The following RSU1 variants were observed in gnomAD, a reference collection of about 807,000 sequenced individuals.
The protein encoded by RSU1 is Ras suppressor protein 1.
Under a neutral mutation model 31.1 loss-of-function variants are expected in RSU1, and 26 were observed. The ratio of observed to expected loss-of-function variants is 0.84; its 90% confidence interval spans 0.61 to 1.16. The LOEUF (loss-of-function observed/expected upper bound fraction) is 1.16. RSU1 is among the 50% of genes most tolerant of loss of function. RSU1 has a pLI of 0.00. For synonymous variants in RSU1, 164 were observed against 136.3 expected, an observed-to-expected ratio of 1.20 and a Z score of -1.41; for missense variants, 320 against 339.1, an observed-to-expected ratio of 0.94 and a Z score of 0.44.
chr10:16,701,002 G>T (rs1312407858), intron 7 of RSU1, among the ~76,000 whole-genome samples: 1 of 152,106 alleles, frequency 6.6e-6, no homozygotes, highest in Non-Finnish European at 1.5e-5. Context: ...AGAAGAAAAG[G>T]ATAATATTAA....
intron 8 of RSU1, among the ~76,000 whole-genome samples, chr10:16,632,384 C>T (rs1455669466): frequency 1.3e-5 from 2 of 152,114 alleles, no homozygotes; most frequent in African/African-American, 4.8e-5. Context: ...GTCTTCTCCT[C>T]TAATTGAAGG....
At chr10:16,730,521 C>G (rs960435115) in intron 7 of RSU1, among the ~76,000 whole-genome samples, 5 of 152,092 alleles carry the variant, frequency 3.3e-5, no homozygotes, top group Non-Finnish European at 5.9e-5. Flanking sequence ...TTAGCCAACC[C>G]CCCAGCTGAC....
chr10:16,792,777 C>T lies in RSU1; in HGVS notation c.110-10693G>A, dbSNP rs145187220. ...ATTAACTGGATCTTAACATACAGCA[C>T]GGTGTAAATGGCTTTTCCATTTTGG... On this transcript the variant is annotated intron_variant, in intron 2 of 8. Transcript: ENST00000345264. 4.6e-5 allele frequency among the ~76,000 whole-genome samples: 7 copies of T among 152,272 alleles called. No individual in the cohort carries two copies. In the South Asian group the frequency reaches 8.3e-4, roughly 18 times the overall value.
At chr10:16,645,243 A>G (rs369471134) in intron 8 of RSU1, among the ~76,000 whole-genome samples, 4 of 152,298 alleles carry the variant, frequency 2.6e-5, no homozygotes, top group South Asian at 2.1e-4. Flanking sequence ...CTTTTAAACC[A>G]TATCTTGGAG....
At chr10:16,663,286 G>A (rs1474747413) in intron 8 of RSU1, among the ~76,000 whole-genome samples, 1 of 152,158 alleles carries the variant, frequency 6.6e-6, no homozygotes, top group African/African-American at 2.4e-5. Context: ...CATGTGTGAT[G>A]CTCTGTCTGG....
intron 7 of RSU1, among the ~76,000 whole-genome samples, chr10:16,736,333 T>C (rs532525839): frequency 2.6e-5 from 4 of 152,258 alleles, no homozygotes; most frequent in African/African-American, 9.6e-5. Flanking sequence ...CACTGGAGTT[T>C]TCACAGAACT....
chr10:16,723,476 G>C (rs1481440867), intron 7 of RSU1, among the ~76,000 whole-genome samples: 1 of 152,168 alleles, frequency 6.6e-6, no homozygotes, highest in Non-Finnish European at 1.5e-5. Context: ...TCAAGCATTT[G>C]AGCAAGAGCT....
At chr10:16,802,373 A>G (rs1186411009) in intron 2 of RSU1, among the ~76,000 whole-genome samples, 1 of 152,116 alleles carries the variant, frequency 6.6e-6, no homozygotes, top group Non-Finnish European at 1.5e-5. Flanking sequence ...AAATTCACAC[A>G]GGAAGAAACA....
chr10:16,659,343 T>C (rs1383758092), intron 8 of RSU1, among the ~76,000 whole-genome samples: 1 of 151,228 alleles, frequency 6.6e-6, no homozygotes, highest in Non-Finnish European at 1.5e-5. Context: ...AAAGTTCTAC[T>C]GTTTTCCTTT....
intron 7 of RSU1, among the ~76,000 whole-genome samples, chr10:16,722,475 A>C (rs1054296711): frequency 7.2e-5 from 11 of 152,162 alleles, no homozygotes. Context: ...GGAGGAGCCC[A>C]ACCTCAGGTC....
intron 8 of RSU1, among the ~76,000 whole-genome samples, chr10:16,654,893 T>C (rs904645366): frequency 1.3e-5 from 2 of 151,470 alleles, no homozygotes; most frequent in Admixed American, 1.3e-4. Flanking sequence ...ACCTCATTTC[T>C]ACAAAAATTT....
At chr10:16,751,887 T>C (rs1401641506) in intron 7 of RSU1, among the ~76,000 whole-genome samples, 5 of 152,116 alleles carry the variant, frequency 3.3e-5, no homozygotes, top group Non-Finnish European at 7.4e-5. Flanking sequence ...AGTAACAGAA[T>C]TACTGGCTTG....
intron 7 of RSU1, among the ~76,000 whole-genome samples, chr10:16,742,081 C>T (rs1836766599): frequency 6.6e-6 from 1 of 152,116 alleles, no homozygotes; most frequent in Admixed American, 6.5e-5. Context: ...ATTTTTAAAA[C>T]AGCAAATATA....
intron 7 of RSU1, among the ~76,000 whole-genome samples, chr10:16,750,095 G>A (rs1216913772): frequency 6.6e-6 from 1 of 152,018 alleles, no homozygotes; most frequent in African/African-American, 2.4e-5. Flanking sequence ...GATATTGCAG[G>A]AAAAACATTT....
intron 8 of RSU1, among the ~76,000 whole-genome samples, chr10:16,642,315 G>A (rs1191703106): frequency 1.3e-5 from 2 of 152,168 alleles, no homozygotes; most frequent in South Asian, 4.1e-4. Context: ...AGAAGCTGTA[G>A]AAAAACAACG....
intron 2 of RSU1, among the ~76,000 whole-genome samples, chr10:16,799,601 C>T (rs1308015633): frequency 2.0e-5 from 3 of 151,318 alleles, no homozygotes; most frequent in Non-Finnish European, 4.4e-5. Flanking sequence ...TCTAAGAGCC[C>T]TACCAGGTTC....
chr10:16,740,460 A>G (rs1036637218), intron 7 of RSU1, among the ~76,000 whole-genome samples: 5 of 152,216 alleles, frequency 3.3e-5, no homozygotes, highest in Non-Finnish European at 7.3e-5. Flanking sequence ...TGCTCTTGCC[A>G]TCTATATTCC....
intron 8 of RSU1, among the ~76,000 whole-genome samples, chr10:16,631,362 G>A (rs1429536460): frequency 6.6e-6 from 1 of 152,180 alleles, no homozygotes; most frequent in East Asian, 1.9e-4. Context: ...AGCACGGCAG[G>A]GACATGGCCA....
chr10:16,739,052 T>C (rs1409332433), intron 7 of RSU1, among the ~76,000 whole-genome samples: 1 of 152,208 alleles, frequency 6.6e-6, no homozygotes, highest in African/African-American at 2.4e-5. Context: ...CATTCTTTTT[T>C]ATGGCTGCAT....
Sources: gnomAD v4.1 joint callset for allele counts (sites outside exome capture counted in the v4.1 genomes callset) on GRCh38, gnomAD v4.1.1 for gene constraint, MANE v1.5 for transcripts, NCBI Gene and HGNC (gene_info 2026-07-23, HGNC 2026-07-21) for gene names.